The following STAG1 variants were observed in gnomAD, a reference collection of about 807,000 sequenced individuals.
STAG1 encodes the protein STAG1 cohesin complex component, also known as cohesin subunit SA-1.
A neutral mutation model predicts 170.9 loss-of-function variants in STAG1; 26 were observed. The observed-to-expected ratio is 0.15, with a 90% CI of 0.11 to 0.21. STAG1 has a LOEUF of 0.21. STAG1 is among the 10% of genes least tolerant of loss of function. The pLI, the probability that STAG1 is intolerant of heterozygous loss-of-function variation, is 1.00. For synonymous variants in STAG1, 514 were observed against 497.7 expected (o/e 1.03, Z -0.44); for missense variants, 964 against 1,509.5 (o/e 0.64, Z 5.99).
intron 15 of STAG1, among the ~76,000 whole-genome samples, chr3:136,438,472 G>A (rs988321130): frequency 2.6e-5 from 4 of 151,930 alleles, no homozygotes; most frequent in African/African-American, 9.7e-5. Flanking sequence ...TGATCCGCCC[G>A]CCTTGGCTCC....
intron 31 of STAG1, 25 bp downstream of exon 31, chr3:136,341,416 T>G (rs1285055044): frequency 7.0e-7 from 1 of 1,434,360 alleles, no homozygotes; most frequent in South Asian, 1.2e-5. Context: ...TGTTATGTTC[T>G]TGTGATACTC....
chr3:136,626,348 C>T (rs1940091124), intron 2 of STAG1, among the ~76,000 whole-genome samples: 1 of 151,552 alleles, frequency 6.6e-6, no homozygotes, highest in Non-Finnish European at 1.5e-5. Context: ...ATTGCTTGAA[C>T]CCACGAGGCG....
intron 1 of STAG1, among the ~76,000 whole-genome samples, chr3:136,693,501 CT>C (rs1187719317): frequency 1.3e-5 from 2 of 152,126 alleles, no homozygotes; most frequent in African/African-American, 4.8e-5. Flanking sequence ...TTTATGGCAA[CT>C]TTTTTTGCAG....
chr3:136,532,714 A>G (rs1935439198), intron 6 of STAG1, among the ~76,000 whole-genome samples: 2 of 152,346 alleles, frequency 1.3e-5, no homozygotes, highest in South Asian at 4.1e-4. Flanking sequence ...GTAAAATCCA[A>G]CAACGCTTCA....
At chr3:136,686,364 C>T (rs1290175006) in intron 1 of STAG1, among the ~76,000 whole-genome samples, 2 of 152,034 alleles carry the variant, frequency 1.3e-5, no homozygotes, top group African/African-American at 2.4e-5. Flanking sequence ...GTCTCTGGTC[C>T]CACATCAGGG....
At chr3:136,589,189 C>A (rs113802174) in intron 4 of STAG1, among the ~76,000 whole-genome samples, 1,752 of 152,194 alleles carry the variant, frequency 0.012, 21 homozygotes, top group African/African-American at 0.04. Flanking sequence ...CTGCACCTGG[C>A]CTATTTTATC....
intron 13 of STAG1, among the ~76,000 whole-genome samples, chr3:136,461,557 T>C (rs982919630): frequency 1.4e-5 from 2 of 140,686 alleles, no homozygotes; most frequent in African/African-American, 5.3e-5. Flanking sequence ...AAGAAGTCAA[T>C]CCCATTTCCA....
chr3:136,543,895 A>ATT (rs200749138), intron 5 of STAG1, among the ~76,000 whole-genome samples: 1 of 151,106 alleles, frequency 6.6e-6, no homozygotes, highest in African/African-American at 2.4e-5. Flanking sequence ...TTGGGCATTC[A>ATT]TTTTTTTTTC....
chr3:136,560,912 C>G (rs982027132), intron 5 of STAG1, among the ~76,000 whole-genome samples: 1 of 152,040 alleles, frequency 6.6e-6, no homozygotes, highest in Non-Finnish European at 1.5e-5. Context: ...CCACTTCTAG[C>G]CGGGAACTTG....
chr3:136,370,221 T>C (rs949772016), intron 23 of STAG1, among the ~76,000 whole-genome samples: 3 of 152,128 alleles, frequency 2.0e-5, no homozygotes, highest in South Asian at 2.1e-4. Flanking sequence ...ATTATTATCA[T>C]AGGATACGAC....
At chr3:136,639,353 G>C (rs1032307530) in intron 1 of STAG1, among the ~76,000 whole-genome samples, 9 of 151,810 alleles carry the variant, frequency 5.9e-5, no homozygotes, top group African/African-American at 1.9e-4. Context: ...AAAAAGGAAA[G>C]TAAATTATTA....
chr3:136,344,795 GGA>G (rs1423704199), intron 29 of STAG1, among the ~76,000 whole-genome samples: 1 of 151,398 alleles, frequency 6.6e-6, no homozygotes, highest in Non-Finnish European at 1.5e-5. Context: ...TATATTTTTA[GGA>G]GAGACGGGGT....
chr3:136,413,562 G>A (rs892933220), intron 21 of STAG1, among the ~76,000 whole-genome samples: 3 of 151,990 alleles, frequency 2.0e-5, no homozygotes, highest in East Asian at 1.9e-4. Context: ...AGGTGCAAGC[G>A]ATTCTCCTGA....
At chr3:136,721,557 G>A (rs930636681) in intron 1 of STAG1, 4 of 152,146 alleles carry the variant, frequency 2.6e-5, no homozygotes, top group Non-Finnish European at 4.4e-5. Flanking sequence ...AAGGGGTGAA[G>A]TTAAATAATT....
chr3:136,401,296 T>C (rs1576429620), intron 21 of STAG1, among the ~76,000 whole-genome samples: 1 of 152,190 alleles, frequency 6.6e-6, no homozygotes, highest in Admixed American at 6.5e-5. Flanking sequence ...CCTATCCAAA[T>C]TGGAGTTCTC....
chr3:136,512,739 A>T (rs574069822), intron 7 of STAG1, among the ~76,000 whole-genome samples: 23 of 151,862 alleles, frequency 1.5e-4, no homozygotes, highest in African/African-American at 5.5e-4. Flanking sequence ...GGATCTATAA[A>T]AAAAAAAAAA....
chr3:136,631,039 A>G (rs1179187665), intron 1 of STAG1, 58 bp from the exon 2 acceptor site: 15 of 789,064 alleles, frequency 1.9e-5, no homozygotes, highest in Non-Finnish European at 2.8e-5. Flanking sequence ...AAAATTCATA[A>G]ACTACAATCA....
chr3:136,405,429 A>G (rs1014651178), intron 21 of STAG1, among the ~76,000 whole-genome samples: 2 of 151,604 alleles, frequency 1.3e-5, no homozygotes, highest in Non-Finnish European at 2.9e-5. Context: ...TTTAGTAGAG[A>G]CAGGGTTTCA....
At chr3:136,555,452 G>T (rs1264779104) in intron 5 of STAG1, among the ~76,000 whole-genome samples, 1 of 151,960 alleles carries the variant, frequency 6.6e-6, no homozygotes, top group African/African-American at 2.4e-5. Flanking sequence ...GGGAGGCTAA[G>T]GCAAGCAGAT....
Sources: gnomAD v4.1 joint callset for allele counts (sites outside exome capture counted in the v4.1 genomes callset) on GRCh38, gnomAD v4.1.1 for gene constraint, MANE v1.5 for transcripts, NCBI Gene and HGNC (gene_info 2026-07-23, HGNC 2026-07-21) for gene names.